The following CNTLN variants were observed in gnomAD, a reference collection of about 807,000 sequenced individuals.
The protein encoded by CNTLN is centlein.
CNTLN carries 212 observed loss-of-function variants against 180.0 expected under a neutral mutation model. The observed-to-expected ratio is 1.18, with a 90% CI of 1.05 to 1.32. The LOEUF is 1.32. Among genes scored for constraint, CNTLN ranks in the 40% most tolerant of loss-of-function variants. The probability of loss-of-function intolerance (pLI) is 0.00; values close to 1 mark genes in which losing one functional copy is unlikely to be tolerated. For synonymous variants in CNTLN, 722 were observed against 563.1 expected, an observed-to-expected ratio of 1.28 and a Z score of -3.99; for missense variants, 2,095 against 1,610.9, an observed-to-expected ratio of 1.30 and a Z score of -5.14.
Position 17,383,944 on chromosome 9 carries a change from A to G in CNTLN, c.1988-4218A>G, listed in dbSNP as rs977667061. Among the ~76,000 whole-genome samples the G allele has an allele frequency of 5.3e-5, 8 of 152,176 alleles. No individual in the cohort carries two copies. In the South Asian group the frequency reaches 1.5e-3, roughly 28 times the overall value. On this transcript the variant is annotated intron_variant, in intron 13 of 25. Coordinates refer to ENST00000380647, the MANE Select transcript of CNTLN (RefSeq NM_017738.4). ...TGAGCCACCTTGCCCGGCCCGTAAC[A>G]TGAAATTTATATGAAATCAGAAACA...
chr9:17,270,565 A>T (rs894116073), intron 5 of CNTLN, among the ~76,000 whole-genome samples: 23 of 152,188 alleles, frequency 1.5e-4, no homozygotes, highest in Non-Finnish European at 2.8e-4. Context: ...GTTCCTTTTT[A>T]TGTCCTTCCC....
At chr9:17,401,067 C>G (rs1255061178) in intron 15 of CNTLN, among the ~76,000 whole-genome samples, 1 of 152,118 alleles carries the variant, frequency 6.6e-6, no homozygotes, top group Non-Finnish European at 1.5e-5. Context: ...CTAAATTGGT[C>G]AAAAATCGGT....
At chr9:17,415,488 A>T (rs1488103113) in intron 16 of CNTLN, among the ~76,000 whole-genome samples, 2 of 152,154 alleles carry the variant, frequency 1.3e-5, no homozygotes, top group African/African-American at 4.8e-5. Flanking sequence ...CTGCTGGTTT[A>T]AGTTCAGTGT....
intron 6 of CNTLN, among the ~76,000 whole-genome samples, chr9:17,295,190 C>T (rs1817787925): frequency 6.6e-6 from 1 of 152,056 alleles, no homozygotes; most frequent in South Asian, 2.1e-4. Context: ...CACGCAGCCC[C>T]AGTTCCCGCC....
chr9:17,180,474 C>T (rs887305820), intron 2 of CNTLN, among the ~76,000 whole-genome samples: 1 of 150,814 alleles, frequency 6.6e-6, no homozygotes. Context: ...CTTTTCTTTC[C>T]CCTATATAAT....
intron 16 of CNTLN, among the ~76,000 whole-genome samples, chr9:17,413,831 C>T (rs950850530): frequency 2.0e-5 from 3 of 152,112 alleles, no homozygotes; most frequent in Non-Finnish European, 2.9e-5. Context: ...ACTAAACTTA[C>T]CATACAACCC....
At chr9:17,297,611 G>A (rs1463654890) in intron 6 of CNTLN, among the ~76,000 whole-genome samples, 2 of 152,102 alleles carry the variant, frequency 1.3e-5, no homozygotes, top group African/African-American at 2.4e-5. Flanking sequence ...CGAAGGACTG[G>A]ATTTTTCTTG....
chr9:17,207,231 T>C lies in CNTLN; in HGVS notation c.450-18972T>C, dbSNP rs548063563. 4.6e-5 allele frequency among the ~76,000 whole-genome samples: 7 copies of C among 152,352 alleles called. No homozygotes were observed. In the East Asian group the frequency reaches 1.4e-3, roughly 29 times the overall value. On this transcript the variant is annotated intron_variant, in intron 2 of 25. Coordinates refer to ENST00000380647, the MANE Select transcript of CNTLN (RefSeq NM_017738.4). ...TTATTATATTAATTCGCTTTTTATATCATTTGCTTATTATATCTGCATTGC... is the reference window on the plus strand; with the variant it reads ...TTATTATATTAATTCGCTTTTTATACCATTTGCTTATTATATCTGCATTGC...
intron 18 of CNTLN, among the ~76,000 whole-genome samples, chr9:17,424,856 A>T (rs1027254432): frequency 6.6e-6 from 1 of 152,166 alleles, no homozygotes; most frequent in Non-Finnish European, 1.5e-5. Flanking sequence ...GGCCTTCACC[A>T]GATGCCGGAA....
intron 23 of CNTLN, among the ~76,000 whole-genome samples, chr9:17,474,793 G>A (rs771502073): frequency 3.3e-5 from 5 of 151,800 alleles, no homozygotes; most frequent in Non-Finnish European, 7.4e-5. Flanking sequence ...GCTTGAACCT[G>A]GGAGGCGGAG....
intron 2 of CNTLN, among the ~76,000 whole-genome samples, chr9:17,181,067 A>G (rs1821095634): frequency 6.6e-6 from 1 of 152,168 alleles, no homozygotes. Context: ...GTTCAGCTTC[A>G]TGAATCTGTA....
chr9:17,367,039 G>A (rs1302282552), intron 13 of CNTLN, among the ~76,000 whole-genome samples: 2 of 152,162 alleles, frequency 1.3e-5, no homozygotes, highest in South Asian at 4.1e-4. Flanking sequence ...CAGAAATCAG[G>A]TGAGCACTCA....
intron 18 of CNTLN, among the ~76,000 whole-genome samples, chr9:17,422,443 C>T (rs1026249057): frequency 6.6e-6 from 1 of 152,056 alleles, no homozygotes; most frequent in Non-Finnish European, 1.5e-5. Flanking sequence ...TTAAATAGCC[C>T]ATCTTTAAGC....
At chr9:17,488,775 G>A (rs1833006238) in intron 25 of CNTLN, among the ~76,000 whole-genome samples, 1 of 152,086 alleles carries the variant, frequency 6.6e-6, no homozygotes, top group African/African-American at 2.4e-5. Context: ...CTGGACTCTG[G>A]AATATAATTG....
At chr9:17,494,651 G>T (rs528623007) in intron 25 of CNTLN, among the ~76,000 whole-genome samples, 4 of 152,136 alleles carry the variant, frequency 2.6e-5, no homozygotes, top group African/African-American at 9.6e-5. Flanking sequence ...GCATTAGTTT[G>T]CTAAGGGTAT....
At chr9:17,309,848 T>TA (rs1370336326) in intron 8 of CNTLN, among the ~76,000 whole-genome samples, 2 of 152,072 alleles carry the variant, frequency 1.3e-5, no homozygotes, top group Non-Finnish European at 2.9e-5. Context: ...TAAACATCTT[T>TA]AAAAAAATCT....
chr9:17,416,884 A>G (rs1417795734), intron 18 of CNTLN, among the ~76,000 whole-genome samples: 1 of 150,728 alleles, frequency 6.6e-6, no homozygotes, highest in Admixed American at 6.6e-5. Flanking sequence ...AGAAAAATTT[A>G]TTTCATTATA....
chr9:17,318,944 G>A (rs561676681), intron 8 of CNTLN, among the ~76,000 whole-genome samples: 1 of 152,032 alleles, frequency 6.6e-6, no homozygotes, highest in East Asian at 1.9e-4. Context: ...TTTTACAGGG[G>A]ATACGAAACT....
Position 17,502,580 on chromosome 9 carries a change from A to G in CNTLN, c.4149A>G (p.Ala1383=), listed in dbSNP as rs1564158212. Residue 1383 remains alanine (A), a synonymous_variant, in exon 26 of 26, where the codon GCA becomes GCG. Transcript: ENST00000380647. ...QLPFASYLLE[A]VLEKINEKKK... Reference sequence around the variant, plus strand: ...CTTTTGCCTCATATTTACTAGAAGCAGTACTGGAAAAAATAAATGAAAAAA... The same window carrying G: ...CTTTTGCCTCATATTTACTAGAAGCGGTACTGGAAAAAATAAATGAAAAAA... 1 of 1,409,944 alleles carries G rather than the reference A, an allele frequency of 7.1e-7. No homozygotes were observed. Among genetic ancestry groups the G allele is most frequent in the Non-Finnish European group, 9.7e-7 (1 of 1,030,884 alleles). The allele number at this position is 1,409,944 out of a possible 1,614,324, so 87.3% of individuals were successfully genotyped here. A position where few individuals can be genotyped will look rare whatever the true frequency, so the allele number is the denominator to read the frequency against.
Sources: gnomAD v4.1 joint callset for allele counts (sites outside exome capture counted in the v4.1 genomes callset) on GRCh38, gnomAD v4.1.1 for gene constraint, MANE v1.5 for transcripts, NCBI Gene and HGNC (gene_info 2026-07-23, HGNC 2026-07-21) for gene names.